The following RABGEF1 variants were observed in gnomAD, a reference collection of about 807,000 sequenced individuals.
RABGEF1 encodes the protein rab5 GDP/GTP exchange factor.
In RABGEF1, 26 loss-of-function variants were observed where a neutral mutation model predicts 57.3. The observed-to-expected ratio is 0.45, with a 90% CI of 0.33 to 0.63. The LOEUF (loss-of-function observed/expected upper bound fraction) is 0.63, where lower values mean the gene tolerates loss of function less well. Ranked by LOEUF, RABGEF1 falls within the 20% of genes least tolerant of loss-of-function variation. The probability of loss-of-function intolerance (pLI) is 0.02; values close to 1 mark genes in which losing one functional copy is unlikely to be tolerated. For missense variants in RABGEF1, 464 were observed against 607.6 expected, an observed-to-expected ratio of 0.76 and a Z score of 2.48; for synonymous variants, 185 against 210.7, an observed-to-expected ratio of 0.88 and a Z score of 1.06.
At chr7:66,743,062 C>T (rs1272522263) in intron 1 of RABGEF1, among the ~76,000 whole-genome samples, 1 of 152,076 alleles carries the variant, frequency 6.6e-6, no homozygotes, top group Non-Finnish European at 1.5e-5. Context: ...GTAATCCCAG[C>T]ACTTTGGGAG....
At chr7:66,664,268 T>G in the RABGEF1 span, among the ~76,000 whole-genome samples, 1 of 151,782 alleles carries the variant, frequency 6.6e-6, no homozygotes, top group African/African-American at 2.4e-5. Flanking sequence ...GTGTAAACAG[T>G]GAACACAGGC....
At chr7:66,778,570 T>C (rs1167140208) in intron 3 of RABGEF1, among the ~76,000 whole-genome samples, 4 of 152,230 alleles carry the variant, frequency 2.6e-5, no homozygotes, top group Non-Finnish European at 2.9e-5. Flanking sequence ...TGAACGGATC[T>C]GAAGACGGTG....
chr7:66,752,579 G>A (rs1801691829), intron 1 of RABGEF1, among the ~76,000 whole-genome samples: 1 of 152,154 alleles, frequency 6.6e-6, no homozygotes, highest in African/African-American at 2.4e-5. Flanking sequence ...TCTCCCATTG[G>A]GAATGAAGTC....
intron 4 of RABGEF1, among the ~76,000 whole-genome samples, chr7:66,793,734 AC>A (rs142905341): frequency 0.014 from 1,914 of 138,832 alleles, 38 homozygotes; most frequent in African/African-American, 0.045. Context: ...CAAGGTGATC[AC>A]AAAGTGCCAT....
At chr7:66,737,169 A>G (rs545359335), upstream of RABGEF1, among the ~76,000 whole-genome samples, 2 of 151,268 alleles carry the variant, frequency 1.3e-5, no homozygotes, top group African/African-American at 2.4e-5. Flanking sequence ...GCTTTAGGCA[A>G]TCCTCCCACC....
chr7:66,799,580 G>T (rs2129179846), intron 7 of RABGEF1, among the ~76,000 whole-genome samples, 166 bp downstream of exon 7: 1 of 152,322 alleles, frequency 6.6e-6, no homozygotes, highest in East Asian at 1.9e-4. Flanking sequence ...GCATTCAGAA[G>T]AGCAGGTTCT....
At chr7:66,728,785 TTCACCTCCATCC>T (rs1031667966) in intron 2 of RABGEF1, among the ~76,000 whole-genome samples, 27 of 992 alleles carry the variant, frequency 0.027, no homozygotes, top group African/African-American at 0.078. Context: ...CACCCTCACC[TTCACCTCCATCC>T]TCACCTCCAC....
chr7:66,800,357 G>GGTCT (rs1164567572), intron 7 of RABGEF1, among the ~76,000 whole-genome samples: 1 of 152,092 alleles, frequency 6.6e-6, no homozygotes, highest in African/African-American at 2.4e-5. Context: ...ACGGCAAGAG[G>GGTCT]GTCTGCTCCA....
chr7:66,770,808 C>T (rs1296385635), intron 1 of RABGEF1, among the ~76,000 whole-genome samples: 2 of 152,110 alleles, frequency 1.3e-5, no homozygotes, highest in Non-Finnish European at 2.9e-5. Flanking sequence ...TTTACAGTAG[C>T]CATCCTAATG....
intron 1 of RABGEF1, among the ~76,000 whole-genome samples, chr7:66,741,982 A>AG: frequency 6.6e-6 from 1 of 151,860 alleles, no homozygotes; most frequent in East Asian, 1.9e-4. Flanking sequence ...TACAAATAAA[A>AG]AAAAAAAAGA....
At chr7:66,754,022 A>T (rs1294153805) in intron 1 of RABGEF1, among the ~76,000 whole-genome samples, 5 of 140,098 alleles carry the variant, frequency 3.6e-5, no homozygotes, top group Admixed American at 7.3e-5. Context: ...TTTTTTTTTG[A>T]GACAGAGTCT....
chr7:66,799,517 G>T, intron 7 of RABGEF1, 103 bp downstream of exon 7: 3 of 947,356 alleles, frequency 3.2e-6, no homozygotes, highest in South Asian at 3.2e-5. Context: ...ATTGTCGAAG[G>T]TACATTGGAA....
chr7:66,795,516 A>C lies in RABGEF1; in HGVS notation c.519A>C (p.Leu173=), dbSNP rs753260239. The C allele has an allele frequency of 1.9e-6, 3 of 1,607,776 alleles. No homozygotes were observed. The highest frequency in any genetic ancestry group is 2.6e-6 in the Non-Finnish European group (3 of 1,174,368). The change falls in exon 5 of 9, where the codon CTA becomes CTC. Residue 173 remains leucine (L), a synonymous_variant. Coordinates refer to ENST00000284957, the MANE Select transcript of RABGEF1 (RefSeq NM_014504.3). ...TCTTTGTCTCTCTGTTTCAGGATCT[A>C]AGCATTGAAGAACAGTCAGAGTGTG... ...FLEGMHYKRD[L]SIEEQSECAQ... is the part of the protein sequence containing the mutation.
chr7:66,682,002 T>A (rs1443544646), upstream of RABGEF1, among the ~76,000 whole-genome samples: 1 of 152,224 alleles, frequency 6.6e-6, no homozygotes, highest in African/African-American at 2.4e-5. Context: ...AGCGGCACCC[T>A]ACTCTGTGTA....
upstream of RABGEF1, among the ~76,000 whole-genome samples, chr7:66,679,222 A>G (rs1185076703): frequency 6.6e-6 from 1 of 152,218 alleles, no homozygotes; most frequent in East Asian, 1.9e-4. Context: ...ATATTTGCAT[A>G]GGAGCACAGC....
At chr7:66,733,011 C>T (rs1797517397) in intron 2 of RABGEF1, among the ~76,000 whole-genome samples, 1 of 152,186 alleles carries the variant, frequency 6.6e-6, no homozygotes, top group African/African-American at 2.4e-5. Context: ...CGCCCTTCCC[C>T]AGCTCCCTAT....
At chr7:66,701,245 T>C (rs1462124834) in intron 1 of RABGEF1, among the ~76,000 whole-genome samples, 1 of 152,110 alleles carries the variant, frequency 6.6e-6, no homozygotes, top group African/African-American at 2.4e-5. Context: ...AGGCCTGTAA[T>C]CTCCACGCTT....
At chr7:66,760,313 C>T (rs1803963558) in intron 1 of RABGEF1, among the ~76,000 whole-genome samples, 1 of 152,186 alleles carries the variant, frequency 6.6e-6, no homozygotes, top group African/African-American at 2.4e-5. Context: ...TTTTAGAAAA[C>T]TCAACATGTT....
intron 1 of RABGEF1, among the ~76,000 whole-genome samples, chr7:66,743,288 C>T (rs994747250): frequency 8.1e-5 from 12 of 147,842 alleles, no homozygotes; most frequent in Non-Finnish European, 1.3e-4. Flanking sequence ...CCAGCCTGGG[C>T]GACAGAGCGA....
Sources: allele counts gnomAD v4.1 joint callset (sites outside exome capture counted in the v4.1 genomes callset), GRCh38; gene constraint gnomAD v4.1.1; transcripts MANE v1.5; gene names NCBI Gene and HGNC (gene_info 2026-07-23, HGNC 2026-07-21).